ADGRB1: variants seen among roughly 807,000 people sequenced by gnomAD.
ADGRB1 encodes the protein brain-specific angiogenesis inhibitor 1.
In ADGRB1, 36 loss-of-function variants were observed where a neutral mutation model predicts 175.7. The observed-to-expected ratio is 0.20, with a 90% confidence interval of 0.16 to 0.27. The LOEUF is 0.27. Among genes scored for constraint, ADGRB1 ranks in the 10% least tolerant of loss-of-function variants. The pLI, the probability that ADGRB1 is intolerant of heterozygous loss-of-function variation, is 1.00. For synonymous variants in ADGRB1, 1,054 were observed against 979.4 expected, an observed-to-expected ratio of 1.08 and a Z score of -1.42; for missense variants, 1,731 against 2,255.3, an observed-to-expected ratio of 0.77 and a Z score of 4.71.
At chr8:142,467,550 C>G (rs1196648652) in intron 2 of ADGRB1, among the ~76,000 whole-genome samples, 1 of 152,178 alleles carries the variant, frequency 6.6e-6, no homozygotes. Flanking sequence ...ATCTGGAGGT[C>G]AGAGTGGGAC....
chr8:142,516,444 G>C (rs1261078251), intron 18 of ADGRB1, among the ~76,000 whole-genome samples: 1 of 130,904 alleles, frequency 7.6e-6, no homozygotes, highest in Non-Finnish European at 1.6e-5. Context: ...CGGGCCCCAG[G>C]TGCGTGTGTC....
intron 18 of ADGRB1, among the ~76,000 whole-genome samples, chr8:142,516,236 TGC>T (rs1458359812): frequency 3.5e-5 from 5 of 142,436 alleles, no homozygotes; most frequent in African/African-American, 8.0e-5. Flanking sequence ...GGTGTGTGTG[TGC>T]GTGTGCGGGC....
At chr8:142,498,474 G>C (rs950540267) in intron 17 of ADGRB1, among the ~76,000 whole-genome samples, 2 of 152,138 alleles carry the variant, frequency 1.3e-5, no homozygotes, top group African/African-American at 4.8e-5. Flanking sequence ...CCTGAGGGCT[G>C]GGGGCGTGCA....
intron 18 of ADGRB1, among the ~76,000 whole-genome samples, chr8:142,515,499 G>A (rs1843366717): frequency 6.6e-6 from 1 of 151,912 alleles, no homozygotes; most frequent in Non-Finnish European, 1.5e-5. Context: ...GCAGGCGGAA[G>A]CAGATGGCCA....
rs376323433 is a variant in ADGRB1, at chr8:142,469,455, ATG to A, written c.784+4479_784+4480del. Among the ~76,000 whole-genome samples the A allele has an allele frequency of 3.8e-3, 393 of 104,648 alleles. 1 individual carries two copies. The highest frequency in any genetic ancestry group is 0.013 in the African/African-American group (345 of 26,200). The allele number at this position is 104,648 out of a possible 152,430, so 68.7% of individuals were successfully genotyped here. ...TGAATGAGTGTGTGCACGTGCGTGA[ATG>A]TGTGTATGCACGTGCATGTGTGAGT... On this transcript the variant is annotated intron_variant, in intron 2 of 30. Transcript: ENST00000517894.
At position 142,518,189 on chromosome 8, in the gene ADGRB1, G is replaced by T. The variant is rs775749064; in HGVS notation, c.2869G>T (p.Val957Leu). The T allele has an allele frequency of 5.0e-6, 8 of 1,613,816 alleles. No homozygotes were observed. Among genetic ancestry groups the T allele is most frequent in the Non-Finnish European group, 6.8e-6 (8 of 1,179,810 alleles). ...PSVTLIVGCG[V>L]SSLTLLMLVI... is the part of the protein sequence containing the mutation. ...GGTGACGCTCATCGTGGGCTGTGGCGTGTCCTCTCTCACCCTGCTCATGCT... is the reference window on the plus strand; with the variant it reads ...GGTGACGCTCATCGTGGGCTGTGGCTTGTCCTCTCTCACCCTGCTCATGCT... Residue 957 changes from valine (V) to leucine (L), a missense_variant, in exon 19 of 31, where the codon GTG (valine) becomes TTG (leucine). Transcript: ENST00000517894.
At chr8:142,475,127 G>T (rs1268493423) in intron 2 of ADGRB1, among the ~76,000 whole-genome samples, 1 of 152,198 alleles carries the variant, frequency 6.6e-6, no homozygotes, top group Non-Finnish European at 1.5e-5. Flanking sequence ...CCAGAGCCTT[G>T]GAGGCCAGGC....
chr8:142,499,963 C>T (rs1014304431), intron 17 of ADGRB1, among the ~76,000 whole-genome samples: 2 of 45,170 alleles, frequency 4.4e-5, no homozygotes, highest in South Asian at 1.1e-3. Flanking sequence ...CACCCGGTTC[C>T]TTTGCACCCA....
chr8:142,534,654 T>C (rs1844824317), intron 25 of ADGRB1, among the ~76,000 whole-genome samples: 1 of 152,162 alleles, frequency 6.6e-6, no homozygotes, highest in South Asian at 2.1e-4. Flanking sequence ...GCTCCACACT[T>C]ACATCCCAGC....
chr8:142,516,595 G>A (rs892863712), intron 18 of ADGRB1, among the ~76,000 whole-genome samples: 1 of 149,038 alleles, frequency 6.7e-6, no homozygotes, highest in Non-Finnish European at 1.5e-5. Flanking sequence ...ATGCGTGTGT[G>A]TGCAGGCCAC....
rs1428384472 is a variant in ADGRB1, at chr8:142,464,584, C to T, written c.386C>T (p.Pro129Leu). 1.3e-6 allele frequency: 2 copies of T among 1,533,690 alleles called. No individual in the cohort carries two copies. The highest frequency in any genetic ancestry group is 8.8e-7 in the Non-Finnish European group (1 of 1,142,696). The change falls in exon 2 of 31, where the codon CCC becomes CTC. Residue 129 changes from proline to leucine, a missense_variant. Transcript: ENST00000517894. ...GACGAGGTGCTGCGGCTCTGCGACC[C>T]CTCCGCACCCCTGGCCTTCCTGCAG... ...SFDEVLRLCD[P>L]SAPLAFLQAS...
At chr8:142,478,782 G>T (rs1297251344) in intron 7 of ADGRB1, among the ~76,000 whole-genome samples, 3 of 149,494 alleles carry the variant, frequency 2.0e-5, no homozygotes, top group African/African-American at 5.0e-5. Context: ...GAGAAGTGGA[G>T]TGTGGGGTGA....
At chr8:142,465,026 GA>G (rs1840185852) in intron 2 of ADGRB1, 44 bp downstream of exon 2, 1 of 749,342 alleles carries the variant, frequency 1.3e-6, no homozygotes, top group Non-Finnish European at 1.7e-6. Context: ...GAGGTGGGCA[GA>G]CAGGGGAGGC....
In ADGRB1 at chr8:142,542,125, G is replaced by T; in HGVS notation, c.3891G>T (p.Gly1297=). ...ACGGCTCACCCCGCTATCCCGGCGG[G>T]CCCCTGCCCGACTTCCCCAACCACT... ...HLHGSPRYPG[G]PLPDFPNHSL... Residue 1297 remains glycine (G), a synonymous_variant, in exon 28 of 31, where the codon GGG becomes GGT. Coordinates refer to ENST00000517894, the MANE Select transcript of ADGRB1 (RefSeq NM_001702.3). The surrounding 1 kb of genome is among the most constrained non-coding windows in gnomAD (Gnocchi z 6.3). The T allele has an allele frequency of 1.2e-6, 2 of 1,613,526 alleles. No individual in the cohort carries two copies. Among genetic ancestry groups the T allele is most frequent in the Non-Finnish European group, 1.7e-6 (2 of 1,179,822 alleles).
In ADGRB1 at chr8:142,492,767, A is replaced by C. The variant is rs1842040117; in HGVS notation, c.2675+1952A>C. ...GGGTGGAAAAAGAAAATGCAAGAAG[A>C]AAGCCCCCCTGCTTGCATGACCCAG... is the stretch of plus-strand genomic sequence containing the variant. On this transcript the variant is annotated intron_variant, in intron 17 of 30. Transcript: ENST00000517894. This position sits in a 1 kb window ranked among gnomAD's most constrained non-coding sequence, Gnocchi z 4.4. 6.6e-6 allele frequency among the ~76,000 whole-genome samples: 1 copy of C among 152,194 alleles called. No individual in the cohort carries two copies. Among genetic ancestry groups the C allele is most frequent in the South Asian group, 2.1e-4 (1 of 4,824 alleles).
intron 1 of ADGRB1, among the ~76,000 whole-genome samples, chr8:142,456,175 C>G (rs1330611309): frequency 6.6e-6 from 1 of 152,148 alleles, no homozygotes. Context: ...GTCCCTGTGC[C>G]CATTCCAGAT....
In ADGRB1 at chr8:142,455,249, C is replaced by G. The variant is rs917549547; in HGVS notation, c.-220+5145C>G. 6.6e-6 allele frequency among the ~76,000 whole-genome samples: 1 copy of G among 152,038 alleles called. No homozygotes were observed. Among genetic ancestry groups the G allele is most frequent in the African/African-American group, 2.4e-5 (1 of 41,364 alleles). On this transcript the variant is annotated intron_variant, in intron 1 of 30. Transcript: ENST00000517894. The surrounding 1 kb of genome is among the most constrained non-coding windows in gnomAD (Gnocchi z 4.9). Reference sequence around the variant, plus strand: ...ACAAACACCTTCCCCCCATCACTCCCACTCGCCTCAGCAGCACCTGGACAC... The same window carrying G: ...ACAAACACCTTCCCCCCATCACTCCGACTCGCCTCAGCAGCACCTGGACAC...
At chr8:142,452,893 G>A (rs1268185161) in intron 1 of ADGRB1, among the ~76,000 whole-genome samples, 2 of 149,176 alleles carry the variant, frequency 1.3e-5, no homozygotes, top group Non-Finnish European at 3.0e-5. Context: ...CGGAGGGCCG[G>A]CGCGCTGCCG....
At chr8:142,467,558 G>A (rs574340011) in intron 2 of ADGRB1, among the ~76,000 whole-genome samples, 146 of 152,316 alleles carry the variant, frequency 9.6e-4, no homozygotes, top group Non-Finnish European at 1.6e-3. Flanking sequence ...GTCAGAGTGG[G>A]ACTTGAGTGT....
Sources: allele counts gnomAD v4.1 joint callset (sites outside exome capture counted in the v4.1 genomes callset), GRCh38; gene constraint gnomAD v4.1.1; non-coding constraint Gnocchi (gnomAD v3.1); transcripts MANE v1.5; gene names NCBI Gene and HGNC (gene_info 2026-07-23, HGNC 2026-07-21).